GCN1: variants seen among roughly 807,000 people sequenced by gnomAD.
GCN1 encodes stalled ribosome sensor GCN1.
Under a neutral mutation model 288.4 loss-of-function variants are expected in GCN1, and 90 were observed. That is an observed-to-expected ratio of 0.31 (90% CI 0.26 to 0.37). The LOEUF is 0.37. GCN1 is among the 10% of genes least tolerant of loss of function. The pLI is 1.00. For synonymous variants in GCN1, 1,386 were observed against 1,420.2 expected (o/e 0.98, Z 0.54); for missense variants, 2,586 against 3,419.9 (o/e 0.76, Z 6.08).
chr12:120,150,366 G>A (rs1402179451), intron 34 of GCN1, among the ~76,000 whole-genome samples: 1 of 151,960 alleles, frequency 6.6e-6, no homozygotes, highest in African/African-American at 2.4e-5. Flanking sequence ...GGAGGCTGAG[G>A]CAGGCAGATC....
chr12:120,152,606 G>A (rs1877599583), intron 33 of GCN1, among the ~76,000 whole-genome samples: 1 of 125,930 alleles, frequency 7.9e-6, no homozygotes, highest in South Asian at 2.6e-4. Context: ...GACACTCTAA[G>A]TGGTCCAAAA....
chr12:120,176,120 TG>T, intron 10 of GCN1, 22 bp downstream of exon 10: 1 of 1,559,728 alleles, frequency 6.4e-7, no homozygotes, highest in Non-Finnish European at 8.8e-7. Flanking sequence ...ACTTATGGGC[TG>T]GAGAGGGGCT....
intron 5 of GCN1, among the ~76,000 whole-genome samples, chr12:120,181,259 A>C (rs971443337): frequency 6.6e-6 from 1 of 151,894 alleles, no homozygotes; most frequent in African/African-American, 2.4e-5. Flanking sequence ...TGAGCCCAGG[A>C]GTTCGAGACC....
rs372934319 is a variant in GCN1 at position 120,145,301 on chromosome 12, C to T, written c.4977G>A (p.Thr1659=). 2.1e-5 allele frequency: 33 copies of T among 1,600,720 alleles called. No homozygotes were observed. Among genetic ancestry groups the T allele is most frequent in the South Asian group, 2.2e-5 (2 of 89,426 alleles). The change falls in exon 39 of 58, where the codon ACG becomes ACA. Residue 1659 remains threonine (T), a synonymous_variant. Coordinates refer to ENST00000300648, the MANE Select transcript of GCN1 (RefSeq NM_006836.2). ...KDLAPYLPSV[T]PGLKASLLDP... is the part of the protein sequence containing the mutation. Reference sequence around the variant, plus strand: ...CCAAAAGCGATGCTTTCAGGCCAGGCGTCACGCTGGGCAGGTACGGAGCCA... The same window carrying T: ...CCAAAAGCGATGCTTTCAGGCCAGGTGTCACGCTGGGCAGGTACGGAGCCA...
rs1217489222 is a variant in GCN1, at chr12:120,129,342, G to A, written c.7824C>T (p.Val2608=). ...LDNTKDKNTV[V]RAYSDQAIVN... is the part of the protein sequence containing the mutation. ...CAATTGCCTGGTCGCTGTAGGCCCT[G>A]ACCACGGTGTTCTTATCCTTGGTGT... is the stretch of plus-strand genomic sequence containing the variant. The change falls in exon 57 of 58, where the codon GTC becomes GTT. Residue 2608 remains valine (V), a synonymous_variant. Transcript: ENST00000300648. 6.2e-7 allele frequency: 1 copy of A among 1,614,024 alleles called. No individual in the cohort carries two copies. Among genetic ancestry groups the A allele is most frequent in the Non-Finnish European group, 8.5e-7 (1 of 1,180,022 alleles).
chr12:120,159,033 T>C (rs1877844767), intron 24 of GCN1, among the ~76,000 whole-genome samples: 1 of 151,896 alleles, frequency 6.6e-6, no homozygotes, highest in Non-Finnish European at 1.5e-5. Context: ...AAAAAATCTT[T>C]CTGCTTCGCC....
At chr12:120,131,627 T>C (rs531098575) in intron 54 of GCN1, among the ~76,000 whole-genome samples, 9 of 152,318 alleles carry the variant, frequency 5.9e-5, no homozygotes, top group African/African-American at 2.2e-4. Context: ...TGTTTGTTTG[T>C]TTTAGAGACA....
chr12:120,155,638 C>T lies in GCN1; in HGVS notation c.3394G>A (p.Val1132Met). ...TCCTCCTCCTTGTCAAACTTGACCA[C>T]CCAGAGTCTCCGCAGAAGGTTCAGG... Reference protein sequence around the residue: ...NGLNLLRRLWVVKFDKEEEIR... With the variant: ...NGLNLLRRLWMVKFDKEEEIR... Residue 1132 changes from valine (V) to methionine (M), a missense_variant, in exon 29 of 58, where the codon GTG becomes ATG. Val to Met is a conservative substitution (Grantham distance 21). Coordinates refer to ENST00000300648, the MANE Select transcript of GCN1 (RefSeq NM_006836.2). This position sits in a 1 kb window ranked among gnomAD's most constrained non-coding sequence, Gnocchi z 4.9. 1 of 1,614,090 alleles carries T rather than the reference C, an allele frequency of 6.2e-7. No homozygotes were observed. The highest frequency in any genetic ancestry group is 8.5e-7 in the Non-Finnish European group (1 of 1,179,960).
In GCN1 at chr12:120,148,224, C is replaced by A. The variant is rs754519237; in HGVS notation, c.4669G>T (p.Ala1557Ser). ...LTDSHVKVQK[A>S]GQQALRQIGS... is the part of the protein sequence containing the mutation. ...ATCTGCCTGAGCGCCTGCTGTCCAG[C>A]CTTCTGGACTTTGACATGGGAGTCG... The change falls in exon 37 of 58, where the codon GCT becomes TCT. Residue 1557 changes from alanine to serine, a missense_variant. Ala to Ser is a moderately conservative substitution (Grantham distance 99, BLOSUM62 1). Transcript: ENST00000300648. 10 of 1,613,884 alleles carry A rather than the reference C, an allele frequency of 6.2e-6. No homozygotes were observed. Among genetic ancestry groups the A allele is most frequent in the South Asian group, 5.5e-5 (5 of 91,070 alleles).
intron 16 of GCN1, 111 bp from the exon 17 acceptor site, chr12:120,164,832 A>G: frequency 1.6e-6 from 1 of 643,870 alleles, no homozygotes; most frequent in East Asian, 2.9e-5. Context: ...CAAAATATAA[A>G]TGTGATTATC....
rs1876661444 is a variant in GCN1, at chr12:120,127,703, T to C, written c.*146A>G. The C allele has an allele frequency of 2.2e-6, 2 of 895,860 alleles. No homozygotes were observed. Among genetic ancestry groups the C allele is most frequent in the South Asian group, 3.2e-5 (2 of 62,018 alleles). 55.5% of individuals were successfully genotyped at this position (895,860 alleles called of 1,614,324 possible). On this transcript the variant is annotated 3_prime_UTR_variant, in exon 58 of 58. Coordinates refer to ENST00000300648, the MANE Select transcript of GCN1 (RefSeq NM_006836.2). The stretch of plus-strand genomic sequence containing the variant: ...ATTTTCAGTTGTGTGTGGGTTTGAT[T>C]TAAGGCTTTGGCTGTGGTCTATTGA...
At chr12:120,187,903 A>C (rs965391622) in intron 2 of GCN1, among the ~76,000 whole-genome samples, 27 of 147,504 alleles carry the variant, frequency 1.8e-4, no homozygotes, top group Non-Finnish European at 4.0e-4. Context: ...AAAAAAAAAC[A>C]AAAAACTAGA....
chr12:120,182,246 C>T (rs1878689881), intron 5 of GCN1, among the ~76,000 whole-genome samples: 1 of 152,012 alleles, frequency 6.6e-6, no homozygotes, highest in Admixed American at 6.6e-5. Context: ...GTAACAATGA[C>T]ACCCATTCCC....
chr12:120,131,427 GT>G (rs748721161), intron 54 of GCN1, 94 bp from the exon 55 acceptor site: 485 of 1,240,312 alleles, frequency 3.9e-4, no homozygotes, highest in Non-Finnish European at 5.1e-4. Flanking sequence ...GGAGACCAGT[GT>G]GCTGACCCAG....
At chr12:120,133,244 G>A (rs1265073621) in intron 53 of GCN1, among the ~76,000 whole-genome samples, 1 of 152,102 alleles carries the variant, frequency 6.6e-6, no homozygotes, top group Non-Finnish European at 1.5e-5. Context: ...AAAACCATGT[G>A]AGCCCAAAGG....
In GCN1 at chr12:120,129,370, T is replaced by C. The variant is rs1876735279; in HGVS notation, c.7796A>G (p.Asp2599Gly). 2 of 1,613,970 alleles carry C rather than the reference T, an allele frequency of 1.2e-6. No homozygotes were observed. Among genetic ancestry groups the C allele is most frequent in the Non-Finnish European group, 1.7e-6 (2 of 1,179,980 alleles). Residue 2599 changes from aspartate (D) to glycine (G), a missense_variant, in exon 57 of 58, where the codon GAC becomes GGC. Physicochemically the swap from Asp to Gly is moderately conservative, Grantham distance 94. Coordinates refer to ENST00000300648, the MANE Select transcript of GCN1 (RefSeq NM_006836.2). ...AIKPILKALL[D>G]NTKDKNTVVR... Reference sequence around the variant, plus strand: ...CACGGTGTTCTTATCCTTGGTGTTGTCAAGAAGAGCCTTCAGGATGGGCTT... The same window carrying C: ...CACGGTGTTCTTATCCTTGGTGTTGCCAAGAAGAGCCTTCAGGATGGGCTT...
intron 44 of GCN1, among the ~76,000 whole-genome samples, chr12:120,141,992 C>T (rs1478505181): frequency 6.6e-6 from 1 of 152,218 alleles, no homozygotes; most frequent in Non-Finnish European, 1.5e-5. Flanking sequence ...ATTGTGTCCC[C>T]AGGTGCTAGG....
In GCN1 at chr12:120,134,557, C is replaced by T. The variant is rs200245091; in HGVS notation, c.7178G>A (p.Arg2393His). Reference sequence around the variant, plus strand: ...CCTGACACCTGGGTCCTCCATGGCGCGGATGCCATTGAGCAGCTCTGTGAA... The same window carrying T: ...CCTGACACCTGGGTCCTCCATGGCGTGGATGCCATTGAGCAGCTCTGTGAA... Reference protein sequence around the residue: ...PLFTELLNGIRAMEDPGVRDT... With the variant: ...PLFTELLNGIHAMEDPGVRDT... The change falls in exon 52 of 58, where the codon CGC (arginine) becomes CAC (histidine). Residue 2393 changes from arginine to histidine, a missense_variant. Arg to His is a conservative substitution (Grantham distance 29). Coordinates refer to ENST00000300648, the MANE Select transcript of GCN1 (RefSeq NM_006836.2). This position sits in a 1 kb window ranked among gnomAD's most constrained non-coding sequence, Gnocchi z 5.0. 3.4e-5 allele frequency: 55 copies of T among 1,613,930 alleles called. No individual in the cohort carries two copies. In the East Asian group the frequency reaches 4.0e-4, roughly 12 times the overall value.
Position 120,158,136 on chromosome 12 carries a change from C to A in GCN1, c.2906-106G>T. The A allele has an allele frequency of 9.3e-7, 1 of 1,076,606 alleles. No homozygotes were observed. Among genetic ancestry groups the A allele is most frequent in the Non-Finnish European group, 1.4e-6 (1 of 739,320 alleles). The allele number at this position is 1,076,606 out of a possible 1,614,324, so 66.7% of individuals were successfully genotyped here. A position where few individuals can be genotyped will look rare whatever the true frequency, so the allele number is the denominator to read the frequency against. On this transcript the variant is annotated intron_variant, in intron 25 of 57. Transcript: ENST00000300648. The surrounding 1 kb of genome is among the most constrained non-coding windows in gnomAD (Gnocchi z 4.3). ...AAGTAGGGAACGGATGGACCAGAGGCCCGTTCTGACACCTGGAAGCACATG... is the reference window on the plus strand; with the variant it reads ...AAGTAGGGAACGGATGGACCAGAGGACCGTTCTGACACCTGGAAGCACATG...
Sources: allele counts gnomAD v4.1 joint callset (sites outside exome capture counted in the v4.1 genomes callset), GRCh38; gene constraint gnomAD v4.1.1; non-coding constraint Gnocchi (gnomAD v3.1); transcripts MANE v1.5; gene names NCBI Gene and HGNC (gene_info 2026-07-23, HGNC 2026-07-21).